The following HNRNPUL1 variants were observed in gnomAD, a reference collection of about 807,000 sequenced individuals.
HNRNPUL1 encodes the protein heterogeneous nuclear ribonucleoprotein U like 1.
HNRNPUL1 carries 14 observed loss-of-function variants against 108.5 expected under a neutral mutation model. That is an observed-to-expected ratio of 0.13 (90% CI 0.09 to 0.20). The LOEUF (loss-of-function observed/expected upper bound fraction) is 0.20, where lower values mean the gene tolerates loss of function less well. Ranked by LOEUF, HNRNPUL1 falls within the 10% of genes least tolerant of loss-of-function variation. HNRNPUL1 has a pLI of 1.00. For missense variants in HNRNPUL1, 804 were observed against 1,168.3 expected, an observed-to-expected ratio of 0.69 and a Z score of 4.55; for synonymous variants, 422 against 445.2, an observed-to-expected ratio of 0.95 and a Z score of 0.66.
chr19:41,297,726 G>A (rs2036972122), intron 10 of HNRNPUL1, among the ~76,000 whole-genome samples: 1 of 152,198 alleles, frequency 6.6e-6, no homozygotes, highest in African/African-American at 2.4e-5. Context: ...GCTAGAGCCA[G>A]GCCAGGCATC....
intron 1 of HNRNPUL1, 110 bp from the exon 2 acceptor site, chr19:41,268,113 C>G (rs1435507767): frequency 3.0e-6 from 3 of 1,013,520 alleles, no homozygotes; most frequent in Non-Finnish European, 4.4e-6. Context: ...TATTATTATT[C>G]TTACCACTCT....
intron 7 of HNRNPUL1, among the ~76,000 whole-genome samples, chr19:41,291,099 T>G (rs1006647795): frequency 2.6e-5 from 4 of 152,162 alleles, no homozygotes; most frequent in African/African-American, 9.7e-5. Flanking sequence ...AATAAGTAGT[T>G]GTTACAGAAT....
chr19:41,289,489 C>T (rs1220116511), intron 7 of HNRNPUL1, among the ~76,000 whole-genome samples: 1 of 152,152 alleles, frequency 6.6e-6, no homozygotes. Context: ...CTGAATTATG[C>T]CAGGCTTCAG....
At chr19:41,291,311 G>A (rs1438876303) in intron 7 of HNRNPUL1, among the ~76,000 whole-genome samples, 1 of 152,138 alleles carries the variant, frequency 6.6e-6, no homozygotes, top group Non-Finnish European at 1.5e-5. Flanking sequence ...CCCACTGGTC[G>A]CTAAGCTCTG....
intron 12 of HNRNPUL1, 33 bp downstream of exon 12, chr19:41,302,982 T>G: frequency 1.3e-6 from 2 of 1,507,828 alleles, no homozygotes; most frequent in Non-Finnish European, 1.8e-6. Flanking sequence ...CTCTCCACTT[T>G]CTGTTCCCAG....
In HNRNPUL1 at chr19:41,292,196, T is replaced by C. The variant is rs775843098; in HGVS notation, c.1000-49T>C. The stretch of plus-strand genomic sequence containing the variant: ...TACTGTCCTCACATTTGACTCCCAG[T>C]GCCTATGGCAAGAGTTGGCAATCAT... On this transcript the variant is annotated intron_variant, in intron 7 of 14. Coordinates refer to ENST00000392006, the MANE Select transcript of HNRNPUL1 (RefSeq NM_007040.6). The surrounding 1 kb of genome is among the most constrained non-coding windows in gnomAD (Gnocchi z 4.1). The C allele has an allele frequency of 1.9e-6, 3 of 1,595,902 alleles. No homozygotes were observed. Among genetic ancestry groups the C allele is most frequent in the Admixed American group, 3.4e-5 (2 of 59,554 alleles).
At chr19:41,305,593 G>T in intron 13 of HNRNPUL1, 83 bp from the exon 14 acceptor site, 1 of 1,561,882 alleles carries the variant, frequency 6.4e-7, no homozygotes, top group Non-Finnish European at 8.8e-7. Flanking sequence ...CACTTAAAAA[G>T]GCCCTTTTTC....
intron 7 of HNRNPUL1, among the ~76,000 whole-genome samples, chr19:41,285,084 G>C (rs537648919): frequency 6.6e-6 from 1 of 151,870 alleles, no homozygotes; most frequent in South Asian, 2.1e-4. Context: ...GCAAAAGAAA[G>C]GGGAAAGATC....
In HNRNPUL1 at chr19:41,307,089, CTTT is replaced by C. The variant is rs892801198; in HGVS notation, c.*530_*532del. ...AATGGGGAGGGGGAGGAAGCAGTGA[CTTT>C]TTTTTGGTAATTATGCGCTTTTTTT... On this transcript the variant is annotated 3_prime_UTR_variant, in exon 15 of 15. Coordinates refer to ENST00000392006, the MANE Select transcript of HNRNPUL1 (RefSeq NM_007040.6). The C allele has an allele frequency of 1.3e-5, 2 of 150,882 alleles. No individual in the cohort carries two copies. Among genetic ancestry groups the C allele is most frequent in the African/African-American group, 4.9e-5 (2 of 41,026 alleles). 9.3% of individuals were successfully genotyped at this position (150,882 alleles called of 1,614,324 possible). A position where few individuals can be genotyped will look rare whatever the true frequency, so the allele number is the denominator to read the frequency against.
At chr19:41,276,453 T>G (rs1348762802) in intron 5 of HNRNPUL1, 155 bp downstream of exon 5, 1 of 695,726 alleles carries the variant, frequency 1.4e-6, no homozygotes, top group African/African-American at 1.8e-5. Context: ...TCAAGACAAC[T>G]ACATCATTGC....
chr19:41,292,572 A>C lies in HNRNPUL1; in HGVS notation c.1266+61A>C, dbSNP rs1009402429. 7.7e-6 allele frequency: 12 copies of C among 1,555,110 alleles called. No homozygotes were observed. Among genetic ancestry groups the C allele is most frequent in the Non-Finnish European group, 1.1e-5 (12 of 1,132,064 alleles). ...CTGCCAAGACAGAGGAGACACACAC[A>C]CACACACACACACAGACTTGCTGCG... is the stretch of plus-strand genomic sequence containing the variant. On this transcript the variant is annotated intron_variant, in intron 8 of 14. Coordinates refer to ENST00000392006, the MANE Select transcript of HNRNPUL1 (RefSeq NM_007040.6). This position sits in a 1 kb window ranked among gnomAD's most constrained non-coding sequence, Gnocchi z 4.1.
At chr19:41,289,971 A>C (rs2036488064) in intron 7 of HNRNPUL1, among the ~76,000 whole-genome samples, 1 of 151,840 alleles carries the variant, frequency 6.6e-6, no homozygotes, top group Admixed American at 6.6e-5. Flanking sequence ...TCGGCCTCCC[A>C]AAATGCTGGG....
At chr19:41,271,939 T>G (rs956612903) in intron 2 of HNRNPUL1, 143 bp from the exon 3 acceptor site, 58 of 880,326 alleles carry the variant, frequency 6.6e-5, no homozygotes, top group Non-Finnish European at 9.6e-5. Flanking sequence ...AGGCTTCTGT[T>G]GAACTCAGCA....
At position 41,302,785 on chromosome 19, in the gene HNRNPUL1, C is replaced by A; in HGVS notation, c.1808C>A (p.Pro603Gln). 1 of 1,612,140 alleles carries A rather than the reference C, an allele frequency of 6.2e-7. No homozygotes were observed. Among genetic ancestry groups the A allele is most frequent in the Non-Finnish European group, 8.5e-7 (1 of 1,178,474 alleles). ...AACGAGGAAGGCCGCAAGGCTGGGC[C>A]ACCCCCTGAAAAGCGCTTTGACAAC... ...QYNEEGRKAG[P>Q]PPEKRFDNRG... Residue 603 changes from proline to glutamine, a missense_variant, in exon 12 of 15, where the codon CCA becomes CAA. Physicochemically the swap from Pro to Gln is moderately conservative, Grantham distance 76. Around this residue, in one of 4 missense-constraint regions of HNRNPUL1, gnomAD observed 294 missense variants for 388.3 expected, o/e 0.76. Coordinates refer to ENST00000392006, the MANE Select transcript of HNRNPUL1 (RefSeq NM_007040.6).
intron 10 of HNRNPUL1, among the ~76,000 whole-genome samples, chr19:41,295,723 GT>G (rs1325212958): frequency 2.0e-5 from 3 of 152,214 alleles, no homozygotes; most frequent in Non-Finnish European, 4.4e-5. Flanking sequence ...TGGATACTTG[GT>G]GACCATGAGT....
At chr19:41,302,200 T>TTCTC (rs1022045146) in intron 11 of HNRNPUL1, among the ~76,000 whole-genome samples, 1 of 112,096 alleles carries the variant, frequency 8.9e-6, no homozygotes, top group Non-Finnish European at 2.1e-5. Context: ...GTCTACCTCT[T>TTCTC]TCTCTCTCTC....
At chr19:41,263,662 A>G (rs1438390485), upstream of HNRNPUL1, among the ~76,000 whole-genome samples, 4 of 152,216 alleles carry the variant, frequency 2.6e-5, no homozygotes, top group South Asian at 2.1e-4. Context: ...CGAACTGTGT[A>G]TCCACTTAAT....
At chr19:41,272,987 G>A (rs574581546) in intron 3 of HNRNPUL1, among the ~76,000 whole-genome samples, 59 of 152,086 alleles carry the variant, frequency 3.9e-4, no homozygotes, top group Non-Finnish European at 6.0e-4. Flanking sequence ...CCTATCTGGC[G>A]GAGTCCACCT....
chr19:41,301,298 T>C (rs1274164390), intron 10 of HNRNPUL1, among the ~76,000 whole-genome samples: 1 of 152,164 alleles, frequency 6.6e-6, no homozygotes, highest in Non-Finnish European at 1.5e-5. Context: ...AAAAGCAAAG[T>C]CCCAACCATT....
Sources: allele counts gnomAD v4.1 joint callset (sites outside exome capture counted in the v4.1 genomes callset), GRCh38; gene constraint gnomAD v4.1.1; regional missense constraint gnomAD v4.1.1; non-coding constraint Gnocchi (gnomAD v3.1); transcripts MANE v1.5; gene names NCBI Gene and HGNC (gene_info 2026-07-23, HGNC 2026-07-21).